Variants in ABLIM1 observed in about 807,000 individuals in gnomAD.
The protein encoded by ABLIM1 is actin-binding LIM protein 1.
A neutral mutation model predicts 107.0 loss-of-function variants in ABLIM1; 40 were observed. The ratio of observed to expected loss-of-function variants is 0.37; its 90% confidence interval spans 0.29 to 0.49. The LOEUF is 0.49. Ranked by LOEUF, ABLIM1 falls within the 20% of genes least tolerant of loss-of-function variation. The pLI, the probability that ABLIM1 is intolerant of heterozygous loss-of-function variation, is 0.97. For missense variants in ABLIM1, 857 were observed against 1,008.5 expected (o/e 0.85, Z 2.04); for synonymous variants, 357 against 357.3 (o/e 1.00, Z 0.01).
At chr10:114,791,308 T>C in the ABLIM1 span, among the ~76,000 whole-genome samples, 1 of 152,192 alleles carries the variant, frequency 6.6e-6, no homozygotes, top group Non-Finnish European at 1.5e-5. Context: ...AGGCTCATCG[T>C]CTGCTTTTAA....
chr10:114,674,508 T>TATTTACCACGAAGTTGGGCAAG, intron 1 of ABLIM1, among the ~76,000 whole-genome samples: 1 of 152,188 alleles, frequency 6.6e-6, no homozygotes, highest in South Asian at 2.1e-4. Flanking sequence ...CTGGCTCCGC[T>TATTTACCACGAAGTTGGGCAAG]ATTTACCACG....
At chr10:114,658,394 G>A, upstream of ABLIM1, 4 of 1,127,554 alleles carry the variant, frequency 3.5e-6, no homozygotes, top group Non-Finnish European at 3.4e-6. Flanking sequence ...CAGATGACTA[G>A]GTATAAAAAC....
intron 1 of ABLIM1, among the ~76,000 whole-genome samples, chr10:114,702,135 T>C (rs2081318630): frequency 6.6e-6 from 1 of 152,228 alleles, no homozygotes; most frequent in Non-Finnish European, 1.5e-5. Flanking sequence ...ATTCAGCTGG[T>C]TGATTTTCAT....
intron 8 of ABLIM1, among the ~76,000 whole-genome samples, chr10:114,479,468 C>T (rs577944102): frequency 6.6e-6 from 1 of 152,318 alleles, no homozygotes; most frequent in South Asian, 2.1e-4. Flanking sequence ...AGATAGCCTT[C>T]CCCTCCTTGA....
rs775233267 is a variant in ABLIM1 at position 114,463,126 on chromosome 10, G to T, written c.1441+2572C>A. ...TGGGTGGGGCTGAGGCTGCTGGTGCGCAGGTACGACAACCTCTGCACACCA... is the reference window on the plus strand; with the variant it reads ...TGGGTGGGGCTGAGGCTGCTGGTGCTCAGGTACGACAACCTCTGCACACCA... On this transcript the variant is annotated intron_variant, in intron 12 of 22. Transcript: ENST00000533213. 29 of 1,317,934 alleles carry T rather than the reference G, an allele frequency of 2.2e-5. No homozygotes were observed. The African/African-American group carries it at 4.0e-4, about 18-fold the overall frequency. The allele number at this position is 1,317,934 out of a possible 1,614,324, so 81.6% of individuals were successfully genotyped here.
chr10:114,616,626 C>T (rs1413875027), intron 1 of ABLIM1, among the ~76,000 whole-genome samples: 2 of 152,166 alleles, frequency 1.3e-5, no homozygotes, highest in Non-Finnish European at 2.9e-5. Flanking sequence ...AGACACTGTC[C>T]AGTGGAAAGG....
At chr10:114,781,610 ATGTG>A in the ABLIM1 span, among the ~76,000 whole-genome samples, 2 of 150,066 alleles carry the variant, frequency 1.3e-5, no homozygotes, top group Non-Finnish European at 3.0e-5. Flanking sequence ...ATATGTATAT[ATGTG>A]TGTGTATATA....
At chr10:114,798,561 C>CCCT in the ABLIM1 span, among the ~76,000 whole-genome samples, 203 of 143,432 alleles carry the variant, frequency 1.4e-3, 9 homozygotes, top group South Asian at 0.012. Context: ...ATGAGACCCC[C>CCCT]CCCCCATGTC....
At chr10:114,454,298 G>A (rs1224606213) in intron 12 of ABLIM1, among the ~76,000 whole-genome samples, 2 of 152,148 alleles carry the variant, frequency 1.3e-5, no homozygotes, top group Non-Finnish European at 2.9e-5. Context: ...GCCATATAAT[G>A]ACATGCAATT....
intron 1 of ABLIM1, among the ~76,000 whole-genome samples, chr10:114,673,303 C>T (rs2080339886): frequency 1.3e-5 from 2 of 151,636 alleles, no homozygotes; most frequent in African/African-American, 4.8e-5. Flanking sequence ...CCACCAACAC[C>T]ACACTGCCAT....
At chr10:114,575,392 C>T in intron 3 of ABLIM1, 24 bp downstream of exon 3, 1 of 1,609,326 alleles carries the variant, frequency 6.2e-7, no homozygotes, top group Non-Finnish European at 8.5e-7. Context: ...AAGGTGTAGG[C>T]TTTGGAAAGA....
At chr10:114,700,667 G>T (rs530635409) in intron 1 of ABLIM1, among the ~76,000 whole-genome samples, 3 of 152,044 alleles carry the variant, frequency 2.0e-5, no homozygotes, top group African/African-American at 7.2e-5. Flanking sequence ...CTTTGCAAAG[G>T]CCCCAGTGCA....
intron 4 of ABLIM1, among the ~76,000 whole-genome samples, chr10:114,556,253 G>A (rs1565922447): frequency 6.6e-6 from 1 of 152,188 alleles, no homozygotes. Context: ...GAAAGAAGGG[G>A]CACAAGAGAA....
intron 1 of ABLIM1, among the ~76,000 whole-genome samples, chr10:114,748,408 TCAGA>T (rs1372235984): frequency 2.6e-5 from 4 of 152,122 alleles, no homozygotes; most frequent in African/African-American, 9.7e-5. Flanking sequence ...GCTTCTACTG[TCAGA>T]CACACAGAGC....
chr10:114,762,884 T>A (rs1464614472), intron 1 of ABLIM1, among the ~76,000 whole-genome samples: 1 of 152,228 alleles, frequency 6.6e-6, no homozygotes, highest in African/African-American at 2.4e-5. Context: ...AGTCCACATG[T>A]ATGCGCCACA....
intron 6 of ABLIM1, among the ~76,000 whole-genome samples, chr10:114,533,205 G>A (rs2065631945): frequency 6.6e-6 from 1 of 152,098 alleles, no homozygotes; most frequent in South Asian, 2.1e-4. Context: ...GCCAGGGGTG[G>A]TGGTACGCGC....
intron 1 of ABLIM1, among the ~76,000 whole-genome samples, chr10:114,683,863 G>A (rs1210243068): frequency 2.0e-5 from 3 of 152,092 alleles, no homozygotes; most frequent in Non-Finnish European, 4.4e-5. Context: ...GCCTCACCAC[G>A]GAACAAACTC....
At chr10:114,464,899 C>T (rs191021040) in intron 12 of ABLIM1, among the ~76,000 whole-genome samples, 1 of 152,308 alleles carries the variant, frequency 6.6e-6, no homozygotes, top group East Asian at 1.9e-4. Context: ...AGGCCAGAAT[C>T]TTCCTTGTGA....
At chr10:114,527,659 CTTT>C (rs10639922) in intron 6 of ABLIM1, among the ~76,000 whole-genome samples, 4 of 127,302 alleles carry the variant, frequency 3.1e-5, no homozygotes, top group Non-Finnish European at 3.2e-5. Context: ...CAACTCTTGT[CTTT>C]TTTTTTTTTT....
Sources: allele counts gnomAD v4.1 joint callset (sites outside exome capture counted in the v4.1 genomes callset), GRCh38; gene constraint gnomAD v4.1.1; transcripts MANE v1.5; gene names NCBI Gene and HGNC (gene_info 2026-07-23, HGNC 2026-07-21).